RANBP2: variants seen among roughly 807,000 people sequenced by gnomAD.
RANBP2 encodes E3 SUMO-protein ligase RanBP2.
In RANBP2, 57 loss-of-function variants were observed where a neutral mutation model predicts 303.6. The ratio of observed to expected loss-of-function variants is 0.19; its 90% confidence interval spans 0.15 to 0.23. RANBP2 has a LOEUF of 0.23. Among genes scored for constraint, RANBP2 ranks in the 10% least tolerant of loss-of-function variants. RANBP2 has a pLI of 1.00. For synonymous variants in RANBP2, 1,167 were observed against 1,301.5 expected, an observed-to-expected ratio of 0.90 and a Z score of 2.23; for missense variants, 3,138 against 3,780.8, an observed-to-expected ratio of 0.83 and a Z score of 4.46.
the RANBP2 span, among the ~76,000 whole-genome samples, chr2:109,443,541 AG>A: frequency 2.0e-3 from 310 of 152,388 alleles, no homozygotes; most frequent in Non-Finnish European, 3.7e-3. Flanking sequence ...TTGCAAATAC[AG>A]AATCTGCCAA....
At chr2:109,443,099 G>C in the RANBP2 span, among the ~76,000 whole-genome samples, 1 of 152,226 alleles carries the variant, frequency 6.6e-6, no homozygotes, top group Non-Finnish European at 1.5e-5. Context: ...TGTGAATACT[G>C]AACTATTGCT....
chr2:109,129,091 C>A, the RANBP2 span: 2 of 371,466 alleles, frequency 5.4e-6, no homozygotes, highest in Non-Finnish European at 1.0e-5. Context: ...CGGTGCGGCT[C>A]GCCAGCTGCG....
At chr2:109,063,637 A>C in the RANBP2 span, among the ~76,000 whole-genome samples, 2 of 152,226 alleles carry the variant, frequency 1.3e-5, no homozygotes, top group East Asian at 3.9e-4. Flanking sequence ...ACCTGGGTAC[A>C]CACACACAGG....
chr2:108,730,588 T>G (rs1695088424), intron 2 of RANBP2, among the ~76,000 whole-genome samples, 186 bp from the exon 3 acceptor site: 2 of 152,156 alleles, frequency 1.3e-5, no homozygotes, highest in Non-Finnish European at 2.9e-5. Flanking sequence ...GTCAACTCTA[T>G]GTACGTGTTT....
At chr2:109,469,012 C>G in the RANBP2 span, among the ~76,000 whole-genome samples, 2 of 151,182 alleles carry the variant, frequency 1.3e-5, no homozygotes, top group Non-Finnish European at 2.9e-5. Context: ...CTAAAGGGCT[C>G]CAGCCACCAG....
the RANBP2 span, among the ~76,000 whole-genome samples, chr2:109,506,474 G>T: frequency 6.6e-6 from 1 of 152,218 alleles, no homozygotes; most frequent in Non-Finnish European, 1.5e-5. Context: ...CCTGGAGAGA[G>T]GGAGCCACAC....
the RANBP2 span, among the ~76,000 whole-genome samples, chr2:109,016,378 C>T: frequency 1.3e-5 from 2 of 152,280 alleles, no homozygotes; most frequent in South Asian, 2.1e-4. Flanking sequence ...TGAGCCACCG[C>T]GCCGGGTGGA....
the RANBP2 span, among the ~76,000 whole-genome samples, chr2:109,723,007 C>T: frequency 3.2e-4 from 49 of 152,194 alleles, no homozygotes; most frequent in East Asian, 8.1e-3. Flanking sequence ...CTGGTTCATA[C>T]GGTATTTCTG....
At chr2:109,671,324 A>G in the RANBP2 span, among the ~76,000 whole-genome samples, 1 of 151,930 alleles carries the variant, frequency 6.6e-6, no homozygotes, top group African/African-American at 2.4e-5. Context: ...GGCAGTAGCC[A>G]TGTGGTAGGA....
the RANBP2 span, among the ~76,000 whole-genome samples, chr2:109,604,110 C>T: frequency 0.025 from 3,498 of 142,422 alleles, 154 homozygotes; most frequent in African/African-American, 0.087. Context: ...TGCAGTGAGC[C>T]GAGATCATGC....
the RANBP2 span, chr2:108,878,458 C>A: frequency 4.6e-6 from 1 of 215,978 alleles, no homozygotes; most frequent in South Asian, 7.9e-5. Flanking sequence ...CACGCTGGGT[C>A]TGTAAGGAAT....
At chr2:109,219,884 CA>C in the RANBP2 span, among the ~76,000 whole-genome samples, 1 of 152,150 alleles carries the variant, frequency 6.6e-6, no homozygotes, top group East Asian at 1.9e-4. Context: ...CAATCTCTAT[CA>C]AAACCCCAAT....
chr2:109,371,983 G>A, the RANBP2 span, among the ~76,000 whole-genome samples: 5 of 152,152 alleles, frequency 3.3e-5, no homozygotes, highest in South Asian at 2.1e-4. Flanking sequence ...GGACCCCTGC[G>A]CCTGGCACCC....
the RANBP2 span, among the ~76,000 whole-genome samples, chr2:109,658,715 C>T: frequency 6.6e-6 from 1 of 151,512 alleles, no homozygotes. Context: ...ATCACGAGGT[C>T]AGGAGTTTGA....
chr2:108,841,060 T>C, the RANBP2 span, among the ~76,000 whole-genome samples: 1 of 152,172 alleles, frequency 6.6e-6, no homozygotes, highest in Admixed American at 6.6e-5. Flanking sequence ...GGTTTCACCA[T>C]GTTGACCTCA....
At chr2:109,054,179 G>A in the RANBP2 span, among the ~76,000 whole-genome samples, 1 of 152,144 alleles carries the variant, frequency 6.6e-6, no homozygotes, top group Admixed American at 6.5e-5. Context: ...GGTTGCCAGG[G>A]TAAAAACCCC....
At chr2:108,907,660 A>T in the RANBP2 span, among the ~76,000 whole-genome samples, 65 of 152,180 alleles carry the variant, frequency 4.3e-4, no homozygotes, top group East Asian at 0.012. Flanking sequence ...AAAAAAAAAA[A>T]ACAAAACTCA....
At chr2:109,297,730 T>C in the RANBP2 span, among the ~76,000 whole-genome samples, 1 of 141,794 alleles carries the variant, frequency 7.1e-6, no homozygotes, top group Non-Finnish European at 1.5e-5. Flanking sequence ...GGTCCGTGCC[T>C]CCCACCAGGA....
chr2:109,026,297 C>CTTTTTTTT, the RANBP2 span, among the ~76,000 whole-genome samples: 7 of 93,422 alleles, frequency 7.5e-5, 1 homozygote, highest in African/African-American at 1.6e-4. Flanking sequence ...CCATGCCTAG[C>CTTTTTTTT]TTTTTTTTTT....
Sources: allele counts gnomAD v4.1 joint callset (sites outside exome capture counted in the v4.1 genomes callset), GRCh38; gene constraint gnomAD v4.1.1; transcripts MANE v1.5; gene names NCBI Gene and HGNC (gene_info 2026-07-23, HGNC 2026-07-21).